NUP98: variants seen among roughly 807,000 people sequenced by gnomAD.
NUP98 encodes the protein nuclear pore complex protein Nup98-Nup96.
A neutral mutation model predicts 191.9 loss-of-function variants in NUP98; 26 were observed. The ratio of observed to expected loss-of-function variants is 0.14; its 90% CI spans 0.10 to 0.19. The LOEUF is 0.19. NUP98 is among the 10% of genes least tolerant of loss of function. The probability of loss-of-function intolerance (pLI) is 1.00; values close to 1 mark genes in which losing one functional copy is unlikely to be tolerated. For synonymous variants in NUP98, 808 were observed against 778.4 expected (o/e 1.04, Z -0.63); for missense variants, 1,941 against 2,178.8 (o/e 0.89, Z 2.17).
chr11:3,746,789 G>A (rs1256417736), intron 11 of NUP98, among the ~76,000 whole-genome samples: 2 of 151,550 alleles, frequency 1.3e-5, no homozygotes, highest in African/African-American at 4.9e-5. Flanking sequence ...GCACATGCCT[G>A]TAATCCCAGC....
At chr11:3,779,567 G>A (rs967497370) in intron 2 of NUP98, among the ~76,000 whole-genome samples, 5 of 152,004 alleles carry the variant, frequency 3.3e-5, no homozygotes, top group Non-Finnish European at 5.9e-5. Flanking sequence ...CTTGAATCTG[G>A]GAGGCAGAGG....
intron 6 of NUP98, among the ~76,000 whole-genome samples, chr11:3,773,334 G>A (rs1333810288): frequency 2.6e-5 from 4 of 151,728 alleles, no homozygotes; most frequent in African/African-American, 7.3e-5. Context: ...AGCTGAGACT[G>A]CAGTGAGCTG....
Position 3,755,616 on chromosome 11 carries a change from G to A in NUP98, c.1175-2208C>T, listed in dbSNP as rs139518382. Among the ~76,000 whole-genome samples, 545 of 152,214 alleles carry A rather than the reference G, an allele frequency of 3.6e-3. 4 individuals carry two copies. Among genetic ancestry groups the A allele is most frequent in the African/African-American group, 0.012 (516 of 41,532 alleles). Reference sequence around the variant, plus strand: ...TTATCTCAATGAAAAAAATCAAGAAGAAAGCTGAAGAATATAAAAGTTTAA... The same window carrying A: ...TTATCTCAATGAAAAAAATCAAGAAAAAAGCTGAAGAATATAAAAGTTTAA... On this transcript the variant is annotated intron_variant, in intron 10 of 32. Coordinates refer to ENST00000324932, the MANE Select transcript of NUP98 (RefSeq NM_016320.5).
At chr11:3,726,813 G>A (rs1252833486) in intron 14 of NUP98, among the ~76,000 whole-genome samples, 1 of 150,664 alleles carries the variant, frequency 6.6e-6, no homozygotes, top group Non-Finnish European at 1.5e-5. Context: ...ACAGGCTGGA[G>A]TACAGTGGTG....
chr11:3,724,576 G>A (rs1230723030), intron 15 of NUP98, among the ~76,000 whole-genome samples: 1 of 151,856 alleles, frequency 6.6e-6, no homozygotes, highest in African/African-American at 2.4e-5. Flanking sequence ...CAGATCACTT[G>A]AGGTCAGGAG....
At chr11:3,779,643 A>C (rs911135464) in intron 2 of NUP98, among the ~76,000 whole-genome samples, 2 of 36 alleles carry the variant, frequency 0.056, no homozygotes, top group South Asian at 0.25. Context: ...CGCCGTCTCA[A>C]AAAAAAAAAA....
At chr11:3,721,587 T>C (rs1369716163) in intron 16 of NUP98, among the ~76,000 whole-genome samples, 1 of 151,900 alleles carries the variant, frequency 6.6e-6, no homozygotes, top group African/African-American at 2.4e-5. Flanking sequence ...TAATCCCAGC[T>C]ACTCGGGAGG....
chr11:3,718,775 T>TACTATTA (rs1213688370), intron 18 of NUP98, among the ~76,000 whole-genome samples: 2 of 152,134 alleles, frequency 1.3e-5, no homozygotes, highest in Non-Finnish European at 2.9e-5. Context: ...GAAACAGGAA[T>TACTATTA]AAAGCAAAAT....
At position 3,695,370 on chromosome 11, in the gene NUP98, C is replaced by T. The variant is rs547300872; in HGVS notation, c.4167+79G>A. ...GTAACTGTGCACAATTTACAAAGAT[C>T]ACTCCTTGCCTCAACCTCAAACCAG... is the stretch of plus-strand genomic sequence containing the variant. On this transcript the variant is annotated intron_variant, in intron 26 of 32. Transcript: ENST00000324932. The T allele has an allele frequency of 4.7e-6, 6 of 1,285,418 alleles. No homozygotes were observed. The East Asian group carries it at 1.3e-4, about 28-fold the overall frequency. 79.6% of individuals were successfully genotyped at this position (1,285,418 alleles called of 1,614,324 possible).
At chr11:3,775,303 G>C (rs559849217) in intron 5 of NUP98, among the ~76,000 whole-genome samples, 2 of 152,138 alleles carry the variant, frequency 1.3e-5, no homozygotes, top group Non-Finnish European at 2.9e-5. Context: ...GCAGAGGTGG[G>C]CAGATCACCT....
chr11:3,724,819 TC>T (rs935714993), intron 15 of NUP98, among the ~76,000 whole-genome samples: 2 of 128,488 alleles, frequency 1.6e-5, no homozygotes, highest in African/African-American at 6.0e-5. Flanking sequence ...AGACAAAATA[TC>T]CCTTAAAGGG....
At chr11:3,789,967 T>C (rs1298017645) in intron 1 of NUP98, among the ~76,000 whole-genome samples, 1 of 152,070 alleles carries the variant, frequency 6.6e-6, no homozygotes, top group Non-Finnish European at 1.5e-5. Flanking sequence ...TGTATTTTAG[T>C]AGACATGGGG....
At chr11:3,733,063 T>C (rs61877581) in intron 13 of NUP98, among the ~76,000 whole-genome samples, 7,710 of 152,340 alleles carry the variant, frequency 0.051, 257 homozygotes, top group Middle Eastern at 0.099. Flanking sequence ...TCATGTGACA[T>C]AGAATTCACC....
chr11:3,785,552 A>C (rs936106160), intron 1 of NUP98, among the ~76,000 whole-genome samples: 10 of 152,196 alleles, frequency 6.6e-5, no homozygotes, highest in South Asian at 4.1e-4. Flanking sequence ...TGAGGCCAAG[A>C]GTTTGAGACC....
At chr11:3,754,929 G>A (rs1167100797) in intron 10 of NUP98, among the ~76,000 whole-genome samples, 2 of 113,284 alleles carry the variant, frequency 1.8e-5, no homozygotes, top group East Asian at 2.6e-4. Context: ...ACGACATAGC[G>A]AGACACTATC....
At chr11:3,746,551 G>A (rs762236229) in intron 11 of NUP98, among the ~76,000 whole-genome samples, 3 of 151,676 alleles carry the variant, frequency 2.0e-5, no homozygotes, top group Non-Finnish European at 4.4e-5. Flanking sequence ...CAGCATCCCT[G>A]GACGATGACC....
At chr11:3,754,075 A>G (rs773282798) in intron 10 of NUP98, among the ~76,000 whole-genome samples, 1 of 152,218 alleles carries the variant, frequency 6.6e-6, no homozygotes, top group Non-Finnish European at 1.5e-5. Flanking sequence ...CAAAGCTTTC[A>G]ATGCAAGTTT....
At chr11:3,696,528 G>C (rs2134082518) in intron 25 of NUP98, among the ~76,000 whole-genome samples, 1 of 151,642 alleles carries the variant, frequency 6.6e-6, no homozygotes. Context: ...AAAAAAAAAG[G>C]CCGGAGGCAG....
chr11:3,782,932 T>C (rs147367262), intron 1 of NUP98, among the ~76,000 whole-genome samples: 1 of 152,272 alleles, frequency 6.6e-6, no homozygotes, highest in Non-Finnish European at 1.5e-5. Context: ...AACATGGTAA[T>C]AGTAAATGTT....
Sources: allele counts gnomAD v4.1 joint callset (sites outside exome capture counted in the v4.1 genomes callset), GRCh38; gene constraint gnomAD v4.1.1; transcripts MANE v1.5; gene names NCBI Gene and HGNC (gene_info 2026-07-23, HGNC 2026-07-21).